Variants in NEK4 observed in about 807,000 individuals in gnomAD.
NEK4 encodes the protein serine/threonine-protein kinase Nek4.
Under a neutral mutation model 98.4 loss-of-function variants are expected in NEK4, and 86 were observed. The observed-to-expected ratio is 0.87, with a 90% CI of 0.73 to 1.05. The LOEUF is 1.05. Ranked by LOEUF, NEK4 falls within the 50% of genes least tolerant of loss-of-function variation. The pLI is 0.00. For missense variants in NEK4, 898 were observed against 950.3 expected, an observed-to-expected ratio of 0.94 and a Z score of 0.72; for synonymous variants, 328 against 342.2, an observed-to-expected ratio of 0.96 and a Z score of 0.46.
In NEK4 at chr3:52,770,840, C is replaced by G. The variant is rs927235607; in HGVS notation, c.-94G>C. On this transcript the variant is annotated 5_prime_UTR_variant, in exon 1 of 16. Transcript: ENST00000233027. ...AGCTCGGTTCATGCCCGAGAGGGGG[C>G]AGTGGGGGCGGCTGTTGAGGCAGCC... 1.2e-5 allele frequency: 14 copies of G among 1,132,392 alleles called. No individual in the cohort carries two copies. The African/African-American group carries it at 1.8e-4, about 15-fold the overall frequency. 70.1% of individuals were successfully genotyped at this position (1,132,392 alleles called of 1,614,324 possible). A position where few individuals can be genotyped will look rare whatever the true frequency, so the allele number is the denominator to read the frequency against.
chr3:52,737,162 T>A (rs770128570), intron 15 of NEK4, among the ~76,000 whole-genome samples: 2 of 152,090 alleles, frequency 1.3e-5, no homozygotes, highest in Non-Finnish European at 2.9e-5. Context: ...CAGGCTGGTC[T>A]GGTACTCCTG....
rs537295415 is a variant in NEK4, at chr3:52,708,457, T to C, written c.*3320A>G. ...GAGTACACGATGCATTGTTAAGTAC[T>C]TAAGATTTATTGAATGAGAACTGCA... is the stretch of plus-strand genomic sequence containing the variant. On this transcript the variant is annotated 3_prime_UTR_variant, in exon 16 of 16. Transcript: ENST00000233027. 1 of 152,362 alleles carries C rather than the reference T, an allele frequency of 6.6e-6. No homozygotes were observed. The highest frequency in any genetic ancestry group is 2.4e-5 in the African/African-American group (1 of 41,574). 9.4% of individuals were successfully genotyped at this position (152,362 alleles called of 1,614,324 possible).
intron 15 of NEK4, among the ~76,000 whole-genome samples, chr3:52,731,041 A>G (rs1286085801): frequency 1.3e-5 from 2 of 152,256 alleles, no homozygotes; most frequent in African/African-American, 4.8e-5. Context: ...GGTATATTTT[A>G]TCTCCATTTT....
intron 5 of NEK4, 143 bp from the exon 6 acceptor site, chr3:52,761,079 G>A: frequency 5.4e-6 from 3 of 557,272 alleles, no homozygotes; most frequent in Non-Finnish European, 9.3e-6. Context: ...AAATCTAAGG[G>A]GCATCCTACA....
intron 15 of NEK4, among the ~76,000 whole-genome samples, chr3:52,722,390 G>A (rs2097360892): frequency 6.6e-6 from 1 of 152,160 alleles, no homozygotes. Context: ...GTGGGGCATG[G>A]CCAGCCAGAG....
At chr3:52,747,747 C>G (rs1191954973) in intron 8 of NEK4, among the ~76,000 whole-genome samples, 3 of 150,936 alleles carry the variant, frequency 2.0e-5, no homozygotes, top group Non-Finnish European at 4.4e-5. Flanking sequence ...GAGTTCAAGA[C>G]CAGTCTGAGC....
chr3:52,713,762 C>G (rs1307988679), intron 15 of NEK4, among the ~76,000 whole-genome samples: 1 of 138,118 alleles, frequency 7.2e-6, no homozygotes, highest in Non-Finnish European at 1.5e-5. Context: ...CCATTGCACT[C>G]TAGCCTGGGC....
intron 15 of NEK4, 54 bp downstream of exon 15, chr3:52,737,529 GGTT>G (rs777238530): frequency 2.4e-5 from 37 of 1,570,108 alleles, no homozygotes; most frequent in Middle Eastern, 1.7e-4. Context: ...TATTTCAAAA[GGTT>G]GTTTAAAAAA....
At chr3:52,740,911 C>A (rs985719854) in intron 13 of NEK4, among the ~76,000 whole-genome samples, 4 of 151,596 alleles carry the variant, frequency 2.6e-5, no homozygotes, top group Non-Finnish European at 5.9e-5. Flanking sequence ...CCTAAGAGGG[C>A]AGGAAGAAGT....
intron 15 of NEK4, among the ~76,000 whole-genome samples, chr3:52,730,941 A>G (rs987346322): frequency 2.0e-5 from 3 of 152,214 alleles, no homozygotes; most frequent in Admixed American, 6.5e-5. Flanking sequence ...CAACATGAAA[A>G]AAGTTCTGAT....
At position 52,739,454 on chromosome 3, in the gene NEK4, T is replaced by A; in HGVS notation, c.2274A>T (p.Glu758Asp). 2 of 1,614,130 alleles carry A rather than the reference T, an allele frequency of 1.2e-6. No individual in the cohort carries two copies. Among genetic ancestry groups the A allele is most frequent in the Non-Finnish European group, 1.7e-6 (2 of 1,180,000 alleles). The change falls in exon 14 of 16, where the codon GAA becomes GAT. Residue 758 changes from glutamate (E) to aspartate (D), a missense_variant. Transcript: ENST00000233027. The stretch of plus-strand genomic sequence containing the variant: ...CTGAAGGTAGCTCTTTAAAATGGAT[T>A]TCCTCTGCCTCTTCTGCAACCTTCC... ...LHGKVAEEAE[E>D]IHFKELPSAI...
chr3:52,770,617 CCG>C, intron 1 of NEK4, 35 bp downstream of exon 1: 1 of 1,444,400 alleles, frequency 6.9e-7, no homozygotes, highest in Non-Finnish European at 9.5e-7. Flanking sequence ...GCACTTCTGC[CCG>C]CCCCCGCCCC....
rs761632993 is a variant in NEK4, at chr3:52,746,124, G to A, written c.1764C>T (p.Asn588=). 1.2e-6 allele frequency: 2 copies of A among 1,614,098 alleles called. No individual in the cohort carries two copies. The highest frequency in any genetic ancestry group is 1.7e-6 in the Non-Finnish European group (2 of 1,179,990). The change falls in exon 10 of 16, where the codon AAC becomes AAT. Residue 588 remains asparagine, a synonymous_variant. Coordinates refer to ENST00000233027, the MANE Select transcript of NEK4 (RefSeq NM_003157.6). The part of the protein sequence containing the change: ...DVTSTQKEAE[N]QRRVVTGSVS... ...CAGACCCAGTGACCACTCTACGTTG[G>A]TTTTCAGCCTCTTTTTGTGTTGATG...
At chr3:52,753,169 T>C (rs1013460850) in intron 6 of NEK4, among the ~76,000 whole-genome samples, 2 of 151,818 alleles carry the variant, frequency 1.3e-5, no homozygotes, top group South Asian at 2.1e-4. Flanking sequence ...CTGGGCATGG[T>C]GGCAAGTGCC....
intron 6 of NEK4, among the ~76,000 whole-genome samples, chr3:52,758,920 C>T (rs562156862): frequency 1.3e-5 from 2 of 151,774 alleles, no homozygotes; most frequent in East Asian, 3.9e-4. Flanking sequence ...AGACCCACCT[C>T]TACAAAAATA....
At chr3:52,714,949 G>A (rs1314619424) in intron 15 of NEK4, among the ~76,000 whole-genome samples, 2 of 152,224 alleles carry the variant, frequency 1.3e-5, no homozygotes, top group Non-Finnish European at 2.9e-5. Context: ...GCGCAGGATG[G>A]GGAAAGTAAG....
chr3:52,754,806 GC>G (rs1053143445), intron 6 of NEK4: 3 of 310,384 alleles, frequency 9.7e-6, no homozygotes, highest in African/African-American at 6.5e-5. Context: ...GGGCACCGTG[GC>G]TCATGCCTGT....
chr3:52,740,453 T>G (rs1326592185), intron 13 of NEK4, among the ~76,000 whole-genome samples: 1 of 151,958 alleles, frequency 6.6e-6, no homozygotes, highest in African/African-American at 2.4e-5. Flanking sequence ...AAGAAAAGAT[T>G]AATGAACTCA....
chr3:52,745,677 A>G (rs140846341), intron 10 of NEK4, among the ~76,000 whole-genome samples: 2 of 152,300 alleles, frequency 1.3e-5, no homozygotes, highest in African/African-American at 2.4e-5. Flanking sequence ...ACAAAACTTC[A>G]TAATATACAC....
Sources: gnomAD v4.1 joint callset for allele counts (sites outside exome capture counted in the v4.1 genomes callset) on GRCh38, gnomAD v4.1.1 for gene constraint, MANE v1.5 for transcripts, NCBI Gene and HGNC (gene_info 2026-07-23, HGNC 2026-07-21) for gene names.